AHCYL1: variants seen among roughly 807,000 people sequenced by gnomAD.
The protein encoded by AHCYL1 is S-adenosylhomocysteine hydrolase-like protein 1.
A neutral mutation model predicts 79.3 loss-of-function variants in AHCYL1; 20 were observed. That is an observed-to-expected ratio of 0.25 (90% confidence interval 0.18 to 0.37). The LOEUF (loss-of-function observed/expected upper bound fraction) is 0.37. Ranked by LOEUF, AHCYL1 falls within the 10% of genes least tolerant of loss-of-function variation. The probability of loss-of-function intolerance (pLI) is 1.00; values close to 1 mark genes in which losing one functional copy is unlikely to be tolerated. For missense variants in AHCYL1, 330 were observed against 673.6 expected (o/e 0.49, Z 5.65); for synonymous variants, 223 against 242.2 (o/e 0.92, Z 0.74).
At chr1:110,007,980 T>G (rs146356936) in intron 1 of AHCYL1, among the ~76,000 whole-genome samples, 2 of 151,774 alleles carry the variant, frequency 1.3e-5, no homozygotes, top group East Asian at 3.9e-4. Context: ...CAAAGAATTA[T>G]CTAGTTCTGG....
chr1:110,017,307 T>A (rs1172714279), intron 9 of AHCYL1, among the ~76,000 whole-genome samples, 188 bp from the exon 10 acceptor site: 4 of 152,136 alleles, frequency 2.6e-5, no homozygotes, highest in Non-Finnish European at 4.4e-5. Context: ...AAATTACCTC[T>A]CTAACTGAGG....
In AHCYL1 at chr1:110,007,845, A is replaced by G. The variant is rs542698270; in HGVS notation, c.121-1189A>G. Among the ~76,000 whole-genome samples, 3 of 152,326 alleles carry G rather than the reference A, an allele frequency of 2.0e-5. No homozygotes were observed. The East Asian group carries it at 5.8e-4, about 29-fold the overall frequency. On this transcript the variant is annotated intron_variant, in intron 1 of 16. Transcript: ENST00000369799. Reference sequence around the variant, plus strand: ...TTTTATTTTGAAGAAAGGGTTTATCAGAGTTTAAACAGGAGTTCGGGAGGA... The same window carrying G: ...TTTTATTTTGAAGAAAGGGTTTATCGGAGTTTAAACAGGAGTTCGGGAGGA...
chr1:110,000,108 T>G (rs1650228740), intron 1 of AHCYL1, among the ~76,000 whole-genome samples: 2 of 152,196 alleles, frequency 1.3e-5, no homozygotes, highest in Non-Finnish European at 2.9e-5. Context: ...AAAGCACATT[T>G]AAAGTATATT....
chr1:109,992,799 A>T (rs899653544), intron 1 of AHCYL1, among the ~76,000 whole-genome samples: 5 of 152,152 alleles, frequency 3.3e-5, no homozygotes, highest in African/African-American at 1.2e-4. Context: ...TCCTCAGGAA[A>T]ATTCAGGAGC....
chr1:110,005,242 G>A (rs1010314881), intron 1 of AHCYL1, among the ~76,000 whole-genome samples: 5 of 152,132 alleles, frequency 3.3e-5, no homozygotes, highest in African/African-American at 9.7e-5. Context: ...GTTTATCTTT[G>A]AATCTAGTTC....
At position 110,012,890 on chromosome 1, in the gene AHCYL1, T is replaced by C. The variant is rs774699717; in HGVS notation, c.478-7T>C. On this transcript the variant is annotated splice_polypyrimidine_tract_variant and splice_region_variant and intron_variant, in intron 4 of 16. Coordinates refer to ENST00000369799, the MANE Select transcript of AHCYL1 (RefSeq NM_006621.7). ...TCCTCACCCTGTCTTCCTACACTTC[T>C]ACACAGGTGTTGATTGAGACACTCT... 5.6e-6 allele frequency: 9 copies of C among 1,607,820 alleles called. No homozygotes were observed. The highest frequency in any genetic ancestry group is 7.6e-6 in the Non-Finnish European group (9 of 1,177,768).
chr1:109,986,162 G>A (rs1389471078), intron 1 of AHCYL1, among the ~76,000 whole-genome samples: 1 of 152,160 alleles, frequency 6.6e-6, no homozygotes, highest in Non-Finnish European at 1.5e-5. Context: ...TGAGAACCCA[G>A]ATAAATGTCT....
intron 2 of AHCYL1, among the ~76,000 whole-genome samples, chr1:110,009,667 A>C (rs1293686796): frequency 6.6e-6 from 1 of 152,216 alleles, no homozygotes; most frequent in South Asian, 2.1e-4. Flanking sequence ...GGAAAGATTC[A>C]GACTACTGTA....
intron 3 of AHCYL1, 58 bp from the exon 4 acceptor site, chr1:110,012,304 G>A: frequency 6.7e-7 from 1 of 1,500,054 alleles, no homozygotes; most frequent in Non-Finnish European, 9.2e-7. Flanking sequence ...CAGCCCTGGG[G>A]CAGGAACTGA....
Position 110,009,105 on chromosome 1 carries a change from T to C in AHCYL1, c.192T>C (p.Ser64=), listed in dbSNP as rs367938859. The change falls in exon 2 of 17, where the codon TCT becomes TCC. Residue 64 remains serine, a synonymous_variant. Transcript: ENST00000369799. ...FPTKTGRRSL[S]RSISQSSTDS... Reference sequence around the variant, plus strand: ...CCAAAACTGGCCGAAGATCTTTGTCTCGCTCGATCTCACAGTCCTCCACTG... The same window carrying C: ...CCAAAACTGGCCGAAGATCTTTGTCCCGCTCGATCTCACAGTCCTCCACTG... The C allele has an allele frequency of 6.2e-7, 1 of 1,613,878 alleles. No homozygotes were observed. The highest frequency in any genetic ancestry group is 1.3e-5 in the African/African-American group (1 of 74,922).
intron 1 of AHCYL1, chr1:110,003,908 CT>C: frequency 3.0e-6 from 3 of 985,284 alleles, no homozygotes; most frequent in Non-Finnish European, 3.6e-6. Flanking sequence ...GACTGGAGCA[CT>C]TTAGGAGATA....
In AHCYL1 at chr1:109,985,059, A is replaced by C. The variant is rs538673946; in HGVS notation, c.7A>C (p.Met3Leu). 6.3e-7 allele frequency: 1 copy of C among 1,596,514 alleles called. No individual in the cohort carries two copies. The highest frequency in any genetic ancestry group is 1.7e-5 in the Admixed American group (1 of 58,456). Residue 3 changes from methionine to leucine, a missense_variant, in exon 1 of 17, where the codon ATG (methionine) becomes CTG (leucine). Met to Leu is a conservative substitution (Grantham distance 15). Around this residue, in one of 6 missense-constraint regions of AHCYL1, gnomAD observed 66 missense variants for 68.0 expected, o/e 0.97. Coordinates refer to ENST00000369799, the MANE Select transcript of AHCYL1 (RefSeq NM_006621.7). MS[M>L]PDAMPLPGVG... ...TGGCCGGGCCGGCCGGGGAATGTCG[A>C]TGCCTGACGCGATGCCGCTGCCCGG... is the stretch of plus-strand genomic sequence containing the variant.
In AHCYL1 at chr1:110,012,981, G is replaced by A; in HGVS notation, c.562G>A (p.Ala188Thr). 1 of 1,611,794 alleles carries A rather than the reference G, an allele frequency of 6.2e-7. No individual in the cohort carries two copies. Among genetic ancestry groups the A allele is most frequent in the Non-Finnish European group, 8.5e-7 (1 of 1,179,270 alleles). The change falls in exon 5 of 17, where the codon GCA (alanine) becomes ACA (threonine). Residue 188 changes from alanine to threonine, a missense_variant. By Grantham distance (58) the Ala-to-Thr change is moderately conservative. Transcript: ENST00000369799. Reference protein sequence around the residue: ...NIYSTQNEVAAALAEAGVAVF... With the variant: ...NIYSTQNEVATALAEAGVAVF... ...CTACTCAACTCAGAATGAAGTAGCT[G>A]CAGCACTGGCTGAGGCTGGTAAGTT...
intron 1 of AHCYL1, among the ~76,000 whole-genome samples, chr1:109,999,204 T>C (rs1650176827): frequency 6.6e-6 from 1 of 152,134 alleles, no homozygotes; most frequent in African/African-American, 2.4e-5. Context: ...TTTTTATGTA[T>C]ACATTGTGAA....
intron 1 of AHCYL1, among the ~76,000 whole-genome samples, chr1:109,991,688 T>A (rs1391798408): frequency 1.3e-5 from 2 of 152,204 alleles, no homozygotes; most frequent in Non-Finnish European, 2.9e-5. Context: ...TGAGCCTGTG[T>A]GCCAAGGAAA....
intron 1 of AHCYL1, chr1:110,004,544 G>A: frequency 1.0e-6 from 1 of 964,706 alleles, no homozygotes; most frequent in Non-Finnish European, 1.2e-6. Context: ...ATTCAGACTT[G>A]TGTATTTCTT....
intron 5 of AHCYL1, among the ~76,000 whole-genome samples, chr1:110,013,308 CAAGT>C (rs1183375425): frequency 6.6e-6 from 1 of 152,120 alleles, no homozygotes; most frequent in African/African-American, 2.4e-5. Flanking sequence ...TGAGAGAGCA[CAAGT>C]AAGAAGTACC....
chr1:110,003,904 A>G (rs1297121026), intron 1 of AHCYL1: 2 of 984,988 alleles, frequency 2.0e-6, no homozygotes, highest in Non-Finnish European at 2.4e-6. Context: ...CATTGACTGG[A>G]GCACTTTAGG....
intron 1 of AHCYL1, chr1:109,985,481 C>T: frequency 9.2e-7 from 1 of 1,091,514 alleles, no homozygotes; most frequent in Non-Finnish European, 1.1e-6. Context: ...AGGGGGTGAA[C>T]CAACTCAGCT....
Sources: allele counts gnomAD v4.1 joint callset (sites outside exome capture counted in the v4.1 genomes callset), GRCh38; gene constraint gnomAD v4.1.1; regional missense constraint gnomAD v4.1.1; transcripts MANE v1.5; gene names NCBI Gene and HGNC (gene_info 2026-07-23, HGNC 2026-07-21).